The following RBPJ variants were observed in gnomAD, a reference collection of about 807,000 sequenced individuals.
RBPJ encodes recombination signal binding protein for immunoglobulin kappa J region, also known as recombining binding protein suppressor of hairless.
RBPJ carries 9 observed loss-of-function variants against 67.8 expected under a neutral mutation model. The observed-to-expected ratio is 0.13, with a 90% CI of 0.08 to 0.23. RBPJ has a LOEUF of 0.23. Among genes scored for constraint, RBPJ ranks in the 10% least tolerant of loss-of-function variants. The pLI, the probability that RBPJ is intolerant of heterozygous loss-of-function variation, is 1.00. For synonymous variants in RBPJ, 198 were observed against 203.3 expected, an observed-to-expected ratio of 0.97 and a Z score of 0.22; for missense variants, 305 against 595.6, an observed-to-expected ratio of 0.51 and a Z score of 5.08.
chr4:26,330,727 G>A (rs554621386), intron 1 of RBPJ, among the ~76,000 whole-genome samples: 3 of 152,158 alleles, frequency 2.0e-5, no homozygotes, highest in Non-Finnish European at 4.4e-5. Context: ...TTATGACTGC[G>A]TAAATTGCTT....
the RBPJ span, among the ~76,000 whole-genome samples, chr4:26,120,158 G>C: frequency 6.6e-6 from 1 of 152,234 alleles, no homozygotes; most frequent in Non-Finnish European, 1.5e-5. Flanking sequence ...TGGAAAGTCA[G>C]CAGTAGTAGT....
In RBPJ at chr4:26,289,052, C is replaced by T. The variant is rs1307028405; in HGVS notation, c.-166-73394C>T. On this transcript the variant is annotated intron_variant, in intron 1 of 4. Coordinates refer to the RBPJ transcript ENST00000512351. ...ATTAAATTTTTTTATGTTTAACTTA[C>T]ATACTTCCAAAATTACTTGAAGCAG... Among the ~76,000 whole-genome samples the T allele has an allele frequency of 2.0e-5, 3 of 150,820 alleles. No homozygotes were observed. In the East Asian group the frequency reaches 5.9e-4, roughly 30 times the overall value.
At chr4:26,235,559 C>A (rs1384385253) in intron 1 of RBPJ, among the ~76,000 whole-genome samples, 1 of 152,152 alleles carries the variant, frequency 6.6e-6, no homozygotes, top group Non-Finnish European at 1.5e-5. Flanking sequence ...TTTGGTGATG[C>A]AATTTAGGAA....
chr4:26,239,874 C>A (rs564805801), intron 1 of RBPJ, among the ~76,000 whole-genome samples: 1 of 152,200 alleles, frequency 6.6e-6, no homozygotes, highest in African/African-American at 2.4e-5. Flanking sequence ...CATCACAGTT[C>A]CACTCAAAGC....
intron 1 of RBPJ, among the ~76,000 whole-genome samples, chr4:26,184,034 T>C (rs948700371): frequency 2.0e-5 from 3 of 148,188 alleles, no homozygotes; most frequent in Admixed American, 1.3e-4. Context: ...TAAAAAAAAT[T>C]AGCCAGGCAT....
chr4:26,123,721 T>G, the RBPJ span, among the ~76,000 whole-genome samples: 3 of 152,192 alleles, frequency 2.0e-5, no homozygotes, highest in Non-Finnish European at 4.4e-5. Flanking sequence ...TTCTTTAAAC[T>G]GTTAAACTTT....
intron 1 of RBPJ, among the ~76,000 whole-genome samples, chr4:26,263,482 C>G (rs561293316): frequency 2.0e-5 from 3 of 152,314 alleles, no homozygotes; most frequent in Non-Finnish European, 4.4e-5. Flanking sequence ...ACAACAGCAC[C>G]TTGCTACAAT....
rs549070377 is a variant in RBPJ at position 26,255,327 on chromosome 4, C to T, written c.-167+91713C>T. On this transcript the variant is annotated intron_variant, in intron 1 of 4. Coordinates refer to the RBPJ transcript ENST00000512351. ...GCTGAGGCAGGAGAATGGCGTGAAC[C>T]CAGGAGGCGGAGCTTGCAGTGAGCC... 4.9e-3 allele frequency among the ~76,000 whole-genome samples: 564 copies of T among 116,198 alleles called. 21 individuals are homozygous for T. The highest frequency in any genetic ancestry group is 0.022 in the African/African-American group (530 of 24,260). The allele number at this position is 116,198 out of a possible 152,430, so 76.2% of individuals were successfully genotyped here.
chr4:26,297,842 A>G (rs1721934642), intron 1 of RBPJ, among the ~76,000 whole-genome samples: 1 of 151,928 alleles, frequency 6.6e-6, no homozygotes, highest in South Asian at 2.1e-4. Flanking sequence ...ACAAAAAACA[A>G]AAAAAAACCA....
At chr4:26,326,609 G>A (rs1189436733) in intron 1 of RBPJ, among the ~76,000 whole-genome samples, 2 of 152,100 alleles carry the variant, frequency 1.3e-5, no homozygotes, top group African/African-American at 4.8e-5. Context: ...ATTTCTTTAA[G>A]CTTCAGGTTC....
intron 2 of RBPJ, among the ~76,000 whole-genome samples, chr4:26,394,533 G>A (rs1429018045): frequency 6.6e-6 from 1 of 151,104 alleles, no homozygotes; most frequent in Non-Finnish European, 1.5e-5. Flanking sequence ...AATTATTCTT[G>A]TACTGTTGAG....
chr4:26,309,044 T>G (rs1024227755), intron 1 of RBPJ, among the ~76,000 whole-genome samples: 2 of 151,640 alleles, frequency 1.3e-5, no homozygotes, highest in Non-Finnish European at 3.0e-5. Flanking sequence ...TTTTTTTTTT[T>G]TTTTTTTGAG....
chr4:26,307,837 A>T (rs1722286212), intron 1 of RBPJ, among the ~76,000 whole-genome samples: 2 of 152,258 alleles, frequency 1.3e-5, no homozygotes, highest in African/African-American at 4.8e-5. Flanking sequence ...AATATTAACA[A>T]TACCTTAATA....
chr4:26,345,701 C>T (rs933063678), intron 1 of RBPJ, among the ~76,000 whole-genome samples: 2 of 152,158 alleles, frequency 1.3e-5, no homozygotes, highest in African/African-American at 4.8e-5. Context: ...CTCAGTTGTA[C>T]TCTCAGGGAT....
chr4:26,152,825 T>C, the RBPJ span, among the ~76,000 whole-genome samples: 4 of 152,368 alleles, frequency 2.6e-5, no homozygotes, highest in Non-Finnish European at 5.9e-5. Flanking sequence ...TCAGATGTTA[T>C]GTATGCAACT....
chr4:26,367,580 A>G (rs1198150246), intron 1 of RBPJ, among the ~76,000 whole-genome samples: 1 of 152,268 alleles, frequency 6.6e-6, no homozygotes, highest in Non-Finnish European at 1.5e-5. Flanking sequence ...TAAAGTTGCA[A>G]AAAATTAAGC....
chr4:26,310,949 C>T (rs1453221955), intron 1 of RBPJ, among the ~76,000 whole-genome samples: 1 of 152,170 alleles, frequency 6.6e-6, no homozygotes, highest in African/African-American at 2.4e-5. Context: ...GGATTACAGG[C>T]ATGAGCCACT....
intron 1 of RBPJ, among the ~76,000 whole-genome samples, chr4:26,180,766 C>T (rs937303565): frequency 1.1e-4 from 17 of 152,006 alleles, no homozygotes; most frequent in African/African-American, 4.1e-4. Context: ...TATAGTATGC[C>T]CTACCCTCAA....
At chr4:26,391,311 A>G (rs1043989881) in intron 2 of RBPJ, among the ~76,000 whole-genome samples, 4 of 152,252 alleles carry the variant, frequency 2.6e-5, no homozygotes, top group African/African-American at 9.6e-5. Context: ...CCATTGTGAC[A>G]GAATAGTGGC....
Sources: allele counts gnomAD v4.1 joint callset (sites outside exome capture counted in the v4.1 genomes callset), GRCh38; gene constraint gnomAD v4.1.1; transcripts MANE v1.5; gene names NCBI Gene and HGNC (gene_info 2026-07-23, HGNC 2026-07-21).